The following STAU1 variants were observed in gnomAD, a reference collection of about 807,000 sequenced individuals.
The protein encoded by STAU1 is staufen double-stranded RNA binding protein 1, also known as double-stranded RNA-binding protein Staufen homolog 1.
A neutral mutation model predicts 62.9 loss-of-function variants in STAU1; 13 were observed. The ratio of observed to expected loss-of-function variants is 0.21; its 90% confidence interval spans 0.13 to 0.33. The LOEUF (loss-of-function observed/expected upper bound fraction) is 0.33. STAU1 is among the 10% of genes least tolerant of loss of function. The probability of loss-of-function intolerance (pLI) is 1.00; values close to 1 mark genes in which losing one functional copy is unlikely to be tolerated. For synonymous variants in STAU1, 269 were observed against 265.1 expected, an observed-to-expected ratio of 1.01 and a Z score of -0.14; for missense variants, 571 against 712.1, an observed-to-expected ratio of 0.80 and a Z score of 2.25.
chr20:49,206,521 T>C, the STAU1 span, among the ~76,000 whole-genome samples: 1 of 144,942 alleles, frequency 6.9e-6, no homozygotes, highest in Non-Finnish European at 1.5e-5. Context: ...CTTCCGTTTT[T>C]TTTTTTGAGA....
At chr20:49,206,720 TA>T in the STAU1 span, among the ~76,000 whole-genome samples, 6 of 2,374 alleles carry the variant, frequency 2.5e-3, no homozygotes, top group African/African-American at 8.8e-3. Context: ...AATGAAATTT[TA>T]TATATATATA....
the STAU1 span, among the ~76,000 whole-genome samples, chr20:49,193,370 C>G: frequency 3.3e-5 from 5 of 151,670 alleles, no homozygotes; most frequent in Non-Finnish European, 5.9e-5. Flanking sequence ...GAGCAAGACT[C>G]TGTCTCTAAA....
intron 2 of STAU1, among the ~76,000 whole-genome samples, chr20:49,168,190 C>G (rs1005380084): frequency 6.6e-6 from 1 of 151,666 alleles, no homozygotes; most frequent in African/African-American, 2.4e-5. Context: ...AAGCAATTTT[C>G]CTGCCTCAGT....
chr20:49,218,326 A>G, the STAU1 span, among the ~76,000 whole-genome samples: 1 of 143,246 alleles, frequency 7.0e-6, no homozygotes, highest in Non-Finnish European at 1.5e-5. Flanking sequence ...CTGGGTTCAC[A>G]CCATTCTCCT....
At chr20:49,189,309 T>C (rs556371442), upstream of STAU1, among the ~76,000 whole-genome samples, 55 of 146,792 alleles carry the variant, frequency 3.7e-4, no homozygotes, top group Non-Finnish European at 6.1e-4. Flanking sequence ...TTAGCAGCTG[T>C]ATTGTATGGG....
At chr20:49,158,489 C>T in intron 3 of STAU1, 1 of 1,304,438 alleles carries the variant, frequency 7.7e-7, no homozygotes, top group Non-Finnish European at 1.0e-6. Flanking sequence ...CCTCAGTGCA[C>T]GGCTTCCACT....
the STAU1 span, among the ~76,000 whole-genome samples, chr20:49,193,862 A>T: frequency 1.3e-5 from 2 of 152,018 alleles, no homozygotes; most frequent in African/African-American, 4.8e-5. Flanking sequence ...CCAGCTACTC[A>T]GGAGGCTGAG....
intron 5 of STAU1, among the ~76,000 whole-genome samples, chr20:49,147,840 C>T (rs1015336638): frequency 6.6e-6 from 1 of 152,128 alleles, no homozygotes; most frequent in Non-Finnish European, 1.5e-5. Flanking sequence ...TCAAGATATA[C>T]ACATCAGTGA....
rs541544821 is a variant in STAU1 at position 49,114,003 on chromosome 20, T to C, written c.*875A>G. 4 of 152,790 alleles carry C rather than the reference T, an allele frequency of 2.6e-5. No individual in the cohort carries two copies. The highest frequency in any genetic ancestry group is 6.5e-5 in the Admixed American group (1 of 15,304). The allele number at this position is 152,790 out of a possible 1,614,324, so 9.5% of individuals were successfully genotyped here. A position where few individuals can be genotyped will look rare whatever the true frequency, so the allele number is the denominator to read the frequency against. On this transcript the variant is annotated 3_prime_UTR_variant, in exon 14 of 14. Coordinates refer to ENST00000371856, the MANE Select transcript of STAU1 (RefSeq NM_017453.4). ...TCATCTAAAGTTTAAAATTCCTAAA[T>C]TGTCCAATTTATACAACTGTGGGAG...
At chr20:49,115,730 C>G in intron 13 of STAU1, 52 bp downstream of exon 13, 3 of 1,478,226 alleles carry the variant, frequency 2.0e-6, no homozygotes, top group African/African-American at 1.4e-5. Context: ...TCAACACAAA[C>G]GAGGGGCAGC....
At chr20:49,154,125 C>G in intron 3 of STAU1, 54 bp from the exon 4 acceptor site, 2 of 1,519,414 alleles carry the variant, frequency 1.3e-6, no homozygotes, top group Non-Finnish European at 1.8e-6. Flanking sequence ...GAATGATACT[C>G]ACTAAAATAA....
chr20:49,158,924 T>C (rs1028422741), intron 3 of STAU1: 119 of 1,242,138 alleles, frequency 9.6e-5, no homozygotes, highest in Non-Finnish European at 1.2e-4. Flanking sequence ...AATAAATAAA[T>C]AAATAATCCT....
the STAU1 span, among the ~76,000 whole-genome samples, chr20:49,196,248 A>G: frequency 1.3e-5 from 2 of 149,822 alleles, no homozygotes; most frequent in Non-Finnish European, 3.0e-5. Flanking sequence ...CATCCTGGCT[A>G]ACACAGTGAA....
chr20:49,165,494 C>T (rs2093511939), intron 3 of STAU1, among the ~76,000 whole-genome samples: 2 of 151,948 alleles, frequency 1.3e-5, no homozygotes, highest in Admixed American at 1.3e-4. Flanking sequence ...CATCACCAAG[C>T]CCAGCTAGTT....
chr20:49,167,811 C>A (rs748791261), intron 2 of STAU1, among the ~76,000 whole-genome samples: 7 of 152,158 alleles, frequency 4.6e-5, no homozygotes, highest in African/African-American at 1.7e-4. Context: ...ATCTTGAGAG[C>A]ACTTTTTAAA....
At chr20:49,165,888 T>C in intron 3 of STAU1, 109 bp downstream of exon 3, 7 of 1,097,466 alleles carry the variant, frequency 6.4e-6, no homozygotes, top group Non-Finnish European at 9.5e-6. Context: ...ATACTTTCTT[T>C]TGCTTTTTGA....
chr20:49,218,561 C>CA, the STAU1 span, among the ~76,000 whole-genome samples: 294 of 144,444 alleles, frequency 2.0e-3, no homozygotes, highest in African/African-American at 6.1e-3. Flanking sequence ...AACAAACAAA[C>CA]AAACAAAAAA....
chr20:49,143,374 T>C (rs777577612), intron 5 of STAU1, among the ~76,000 whole-genome samples: 1 of 152,056 alleles, frequency 6.6e-6, no homozygotes, highest in Non-Finnish European at 1.5e-5. Flanking sequence ...GGCGGATCAC[T>C]TGAGCCCAGG....
At chr20:49,166,932 C>A (rs185716394) in intron 2 of STAU1, among the ~76,000 whole-genome samples, 1 of 152,044 alleles carries the variant, frequency 6.6e-6, no homozygotes, top group Non-Finnish European at 1.5e-5. Context: ...GCTCACAGAT[C>A]CTGAGAAGTG....
Sources: gnomAD v4.1 joint callset for allele counts (sites outside exome capture counted in the v4.1 genomes callset) on GRCh38, gnomAD v4.1.1 for gene constraint, MANE v1.5 for transcripts, NCBI Gene and HGNC (gene_info 2026-07-23, HGNC 2026-07-21) for gene names.